Variants in FHIP1B observed in about 807,000 individuals in gnomAD.
FHIP1B encodes the protein FHF complex subunit HOOK interacting protein 1B, also known as FHF complex subunit HOOK-interacting protein 1B.
In FHIP1B, 28 loss-of-function variants were observed where a neutral mutation model predicts 82.2. That is an observed-to-expected ratio of 0.34 (90% confidence interval 0.25 to 0.47). The LOEUF (loss-of-function observed/expected upper bound fraction) is 0.47, where lower values mean the gene tolerates loss of function less well. Ranked by LOEUF, FHIP1B falls within the 20% of genes least tolerant of loss-of-function variation. The pLI, the probability that FHIP1B is intolerant of heterozygous loss-of-function variation, is 1.00. For missense variants in FHIP1B, 1,110 were observed against 1,262.6 expected (o/e 0.88, Z 1.83); for synonymous variants, 585 against 516.1 (o/e 1.13, Z -1.81).
intron 1 of FHIP1B, among the ~76,000 whole-genome samples, chr11:6,226,770 G>A (rs998103495): frequency 4.6e-5 from 7 of 152,184 alleles, no homozygotes; most frequent in Non-Finnish European, 1.0e-4. Context: ...AAGGAGTTTA[G>A]CTTTTGTCTA....
At chr11:6,233,005 A>G (rs940897894) in intron 1 of FHIP1B, among the ~76,000 whole-genome samples, 5 of 152,218 alleles carry the variant, frequency 3.3e-5, no homozygotes, top group Admixed American at 6.5e-5. Flanking sequence ...TGGATAGATG[A>G]TAATTTTATC....
intron 1 of FHIP1B, among the ~76,000 whole-genome samples, chr11:6,225,524 C>T (rs747295432): frequency 1.5e-4 from 23 of 152,210 alleles, no homozygotes; most frequent in Non-Finnish European, 4.4e-5. Flanking sequence ...ATCTTCCCCA[C>T]ATTAGGTAGC....
chr11:6,214,491 T>A lies in FHIP1B; in HGVS notation c.2477A>T (p.Lys826Met), dbSNP rs1345955429. 6.2e-7 allele frequency: 1 copy of A among 1,614,202 alleles called. No individual in the cohort carries two copies. The highest frequency in any genetic ancestry group is 2.2e-5 in the East Asian group (1 of 44,886). Residue 826 changes from lysine (K) to methionine (M), a missense_variant, in exon 11 of 12, where the codon AAG becomes ATG. Around this residue, in one of 6 missense-constraint regions of FHIP1B, gnomAD observed 147 missense variants for 154.0 expected, o/e 0.95. Coordinates refer to ENST00000449352, the MANE Select transcript of FHIP1B (RefSeq NM_001098794.2). ...CAACTTGCCACGGGCAATGAGGTAC[T>A]TCTTGGCTTTGGACAGCAGTGCTGG... Reference protein sequence around the residue: ...DFPALLSKAKKYLIARGKLDW... With the variant: ...DFPALLSKAKMYLIARGKLDW...
chr11:6,224,122 C>T lies in FHIP1B; in HGVS notation c.265G>A (p.Ala89Thr), dbSNP rs753183761. ...LLAEDRAVPSAPTGPGPLLEF... is the reference protein window; with the variant it reads ...LLAEDRAVPSTPTGPGPLLEF... ...AGCAGGGGCCCAGGGCCTGTGGGGG[C>T]CGAGGGAACTGCACGGTCCTCTGCC... Residue 89 changes from alanine to threonine, a missense_variant, in exon 3 of 12, where the codon GCC (alanine) becomes ACC (threonine). Around this residue, in one of 6 missense-constraint regions of FHIP1B, gnomAD observed 467 missense variants for 602.9 expected, o/e 0.77. Transcript: ENST00000449352. 5 of 1,614,080 alleles carry T rather than the reference C, an allele frequency of 3.1e-6. No individual in the cohort carries two copies. The East Asian group carries it at 6.7e-5, about 22-fold the overall frequency.
At chr11:6,226,900 A>G (rs1032313538) in intron 1 of FHIP1B, among the ~76,000 whole-genome samples, 1 of 152,250 alleles carries the variant, frequency 6.6e-6, no homozygotes, top group East Asian at 1.9e-4. Flanking sequence ...TGCAGTGGAC[A>G]ATTTATAAGA....
At chr11:6,222,250 A>C (rs1847429777) in intron 6 of FHIP1B, among the ~76,000 whole-genome samples, 192 bp downstream of exon 6, 1 of 152,234 alleles carries the variant, frequency 6.6e-6, no homozygotes, top group Admixed American at 6.5e-5. Flanking sequence ...ATCTATCATA[A>C]AAGCAGGGGA....
Position 6,211,545 on chromosome 11 carries a change from A to C in FHIP1B, c.2880T>G (p.Ser960=). 1.9e-6 allele frequency: 3 copies of C among 1,612,820 alleles called. No homozygotes were observed. The highest frequency in any genetic ancestry group is 2.5e-6 in the Non-Finnish European group (3 of 1,179,354). The part of the protein sequence containing the change: ...PFLLETSEEG[S]GPLISGCGPL... ...GCCCACAGCCTGAGATGAGAGGGCCAGATCCTTCCTCTGAAGTCTCCAACA... is the reference window on the plus strand; with the variant it reads ...GCCCACAGCCTGAGATGAGAGGGCCCGATCCTTCCTCTGAAGTCTCCAACA... Residue 960 remains serine (S), a synonymous_variant, in exon 12 of 12, where the codon TCT becomes TCG. Transcript: ENST00000449352.
rs1847281275 is a variant in FHIP1B at position 6,217,747 on chromosome 11, C to A, written c.1839G>T (p.Glu613Asp). ...CCCCAGCCCGCCCCCTCCTCCCCAG[C>A]TCTTCCTCCTCCCCTTCCCCCACGT... ...RNNVGEGEEE[E>D]LGRRGRAGGA... Residue 613 changes from glutamate to aspartate, a missense_variant, in exon 9 of 12, where the codon GAG becomes GAT. Coordinates refer to ENST00000449352, the MANE Select transcript of FHIP1B (RefSeq NM_001098794.2). 6.2e-7 allele frequency: 1 copy of A among 1,601,802 alleles called. No individual in the cohort carries two copies. Among genetic ancestry groups the A allele is most frequent in the Admixed American group, 1.7e-5 (1 of 59,228 alleles).
chr11:6,216,900 C>T, intron 9 of FHIP1B: 1 of 601,188 alleles, frequency 1.7e-6, no homozygotes, highest in South Asian at 2.0e-5. Context: ...AGAAGGTTAA[C>T]CTTAGGCCCC....
rs1847275011 is a variant in FHIP1B, at chr11:6,217,656, C to G, written c.1930G>C (p.Glu644Gln). 1.2e-6 allele frequency: 2 copies of G among 1,613,912 alleles called. No individual in the cohort carries two copies. The highest frequency in any genetic ancestry group is 1.7e-6 in the Non-Finnish European group (2 of 1,180,018). Residue 644 changes from glutamate (E) to glutamine (Q), a missense_variant, in exon 9 of 12, where the codon GAG becomes CAG. Physicochemically the swap from Glu to Gln is conservative, Grantham distance 29. Transcript: ENST00000449352. ...ACCAGACGAACCTTCTTGGCCCCCT[C>G]AGGCCATGATCCTGGCACTCCATTG... is the stretch of plus-strand genomic sequence containing the variant. ...QLNGVPGSWP[E>Q]GAKKVRLVPK...
At chr11:6,215,847 C>T (rs1383881959) in intron 9 of FHIP1B, among the ~76,000 whole-genome samples, 1 of 152,158 alleles carries the variant, frequency 6.6e-6, no homozygotes, top group African/African-American at 2.4e-5. Flanking sequence ...AAGAACTGTA[C>T]TATGCATTGA....
In FHIP1B at chr11:6,214,924, G is replaced by T; in HGVS notation, c.2216-13C>A. ...GCCATGAAGGGGCCTGGGTTGGGGGGGAGGTGGGCACAAGGATACAAAGCC... is the reference window on the plus strand; with the variant it reads ...GCCATGAAGGGGCCTGGGTTGGGGGTGAGGTGGGCACAAGGATACAAAGCC... On this transcript the variant is annotated splice_polypyrimidine_tract_variant and intron_variant, in intron 9 of 11. Transcript: ENST00000449352. 6.5e-7 allele frequency: 1 copy of T among 1,538,296 alleles called. No homozygotes were observed.
intron 1 of FHIP1B, among the ~76,000 whole-genome samples, chr11:6,229,372 T>C (rs905000239): frequency 5.9e-5 from 9 of 152,196 alleles, no homozygotes; most frequent in African/African-American, 2.2e-4. Context: ...ATTCCAACCA[T>C]AAAGAAGGTA....
At chr11:6,220,092 C>T (rs1336441291) in intron 6 of FHIP1B, among the ~76,000 whole-genome samples, 5 of 152,160 alleles carry the variant, frequency 3.3e-5, no homozygotes, top group Admixed American at 1.3e-4. Context: ...TTTCACCTCA[C>T]GTGGCAGAGA....
chr11:6,224,897 C>A (rs1847521186), intron 1 of FHIP1B, among the ~76,000 whole-genome samples, 190 bp from the exon 2 acceptor site: 1 of 152,238 alleles, frequency 6.6e-6, no homozygotes, highest in African/African-American at 2.4e-5. Flanking sequence ...CTTTCTCCAT[C>A]TCAAAAGAAA....
In FHIP1B at chr11:6,223,175, C is replaced by T. The variant is rs781360330; in HGVS notation, c.841G>A (p.Asp281Asn). The part of the protein sequence containing the change: ...SLPRKIEVPG[D>N]DWHCLRREDW... ...TCCCGTCGCAGACAGTGCCAATCAT[C>T]CCCTGGAACCTCAATCTTTCGAGGC... Residue 281 changes from aspartate (D) to asparagine (N), a missense_variant, in exon 4 of 12, where the codon GAT becomes AAT. Physicochemically the swap from Asp to Asn is conservative, Grantham distance 23. Coordinates refer to ENST00000449352, the MANE Select transcript of FHIP1B (RefSeq NM_001098794.2). The surrounding 1 kb of genome is among the most constrained non-coding windows in gnomAD (Gnocchi z 4.8). 1.2e-6 allele frequency: 2 copies of T among 1,609,168 alleles called. No homozygotes were observed. The highest frequency in any genetic ancestry group is 3.5e-5 in the Admixed American group (2 of 57,836).
At chr11:6,215,434 A>C (rs1662543204) in intron 9 of FHIP1B, 1 of 152,322 alleles carries the variant, frequency 6.6e-6, no homozygotes, top group South Asian at 2.1e-4. Flanking sequence ...TGAGAAAGTA[A>C]TTAGGTCCAA....
At chr11:6,216,839 T>C in intron 9 of FHIP1B, 1 of 572,112 alleles carries the variant, frequency 1.7e-6, no homozygotes, top group Non-Finnish European at 3.1e-6. Flanking sequence ...TGAAATCAAG[T>C]CCTTCTTTGA....
At chr11:6,214,939 G>A (rs377358204) in intron 9 of FHIP1B, 28 bp from the exon 10 acceptor site, 9 of 1,525,860 alleles carry the variant, frequency 5.9e-6, no homozygotes, top group African/African-American at 2.8e-5. Flanking sequence ...TGGGCACAAG[G>A]ATACAAAGCC....
Sources: gnomAD v4.1 joint callset for allele counts (sites outside exome capture counted in the v4.1 genomes callset) on GRCh38, gnomAD v4.1.1 for gene constraint, gnomAD v4.1.1 regional missense constraint, Gnocchi (gnomAD v3.1) non-coding constraint, MANE v1.5 for transcripts, NCBI Gene and HGNC (gene_info 2026-07-23, HGNC 2026-07-21) for gene names.